B3GAT3: variants seen among roughly 807,000 people sequenced by gnomAD.
B3GAT3 encodes the protein beta-1,3-glucuronyltransferase 3.
A neutral mutation model predicts 33.1 loss-of-function variants in B3GAT3; 19 were observed. That is an observed-to-expected ratio of 0.57 (90% confidence interval 0.40 to 0.84). B3GAT3 has a LOEUF of 0.84. Among genes scored for constraint, B3GAT3 ranks in the 40% least tolerant of loss-of-function variants. The pLI is 0.00. For missense variants in B3GAT3, 344 were observed against 441.5 expected, an observed-to-expected ratio of 0.78 and a Z score of 1.98; for synonymous variants, 167 against 193.5, an observed-to-expected ratio of 0.86 and a Z score of 1.14.
At chr11:62,618,809 C>T (rs1422097325) in intron 2 of B3GAT3, among the ~76,000 whole-genome samples, 2 of 151,904 alleles carry the variant, frequency 1.3e-5, no homozygotes, top group African/African-American at 2.4e-5. Flanking sequence ...TGGTGAAACC[C>T]CATCTCTACT....
At position 62,616,762 on chromosome 11, in the gene B3GAT3, A is replaced by C. The variant is rs1943037657; in HGVS notation, c.653T>G (p.Val218Gly). The stretch of plus-strand genomic sequence containing the variant: ...GAATCGCAGGCCGCCCACCAGCCCC[A>C]CAGGCCACACTGAGACACCACGGGT... The part of the protein sequence containing the change: ...RWTRGVSVWP[V>G]GLVGGLRFEG... Residue 218 changes from valine to glycine, a missense_variant, in exon 4 of 5, where the codon GTG (valine) becomes GGG (glycine). By Grantham distance (109) the Val-to-Gly change is moderately radical. Coordinates refer to ENST00000265471, the MANE Select transcript of B3GAT3 (RefSeq NM_012200.4). The C allele has an allele frequency of 6.2e-7, 1 of 1,613,920 alleles. No homozygotes were observed. Among genetic ancestry groups the C allele is most frequent in the African/African-American group, 1.3e-5 (1 of 74,914 alleles).
At chr11:62,619,726 A>G (rs1237278530) in intron 2 of B3GAT3, among the ~76,000 whole-genome samples, 2 of 14,564 alleles carry the variant, frequency 1.4e-4, no homozygotes, top group African/African-American at 3.9e-4. Flanking sequence ...TTTTTTTTTC[A>G]GAGACAAGAG....
chr11:62,621,051 A>G (rs1943134469), intron 1 of B3GAT3: 1 of 480,244 alleles, frequency 2.1e-6, no homozygotes, highest in Non-Finnish European at 4.1e-6. Flanking sequence ...AGTCTTTCAA[A>G]TACCTGAGGA....
rs2134439341 is a variant in B3GAT3, at chr11:62,621,883, T to C, written c.65A>G (p.Tyr22Cys). 4 of 1,611,846 alleles carry C rather than the reference T, an allele frequency of 2.5e-6. No homozygotes were observed. Among genetic ancestry groups the C allele is most frequent in the Non-Finnish European group, 3.4e-6 (4 of 1,178,886 alleles). ...CCGCTCACCGAGCTGTACCAGCGCG[T>C]AGAGGAGGCCGGCGATCGACACCAG... ...YFLVSIAGLLYALVQLGQPCD... is the reference protein window; with the variant it reads ...YFLVSIAGLLCALVQLGQPCD... Residue 22 changes from tyrosine (Y) to cysteine (C), a missense_variant, in exon 1 of 5, where the codon TAC becomes TGC. Transcript: ENST00000265471.
In B3GAT3 at chr11:62,616,535, G is replaced by C. The variant is rs1034052309; in HGVS notation, c.880C>G (p.Leu294Val). The change falls in exon 4 of 5, where the codon CTG becomes GTG. Residue 294 changes from leucine to valine, a missense_variant. By Grantham distance (32) the Leu-to-Val change is conservative. Transcript: ENST00000265471. Reference protein sequence around the residue: ...LLSHLVDPKDLEPRAANCTRV... With the variant: ...LLSHLVDPKDVEPRAANCTRV... ...GTGCAGTTGGCAGCCCGTGGCTCCA[G>C]GTCCTTGGGATCCACAAGGTGGCTC... is the stretch of plus-strand genomic sequence containing the variant. 1.2e-6 allele frequency: 2 copies of C among 1,614,114 alleles called. No individual in the cohort carries two copies. Among genetic ancestry groups the C allele is most frequent in the African/African-American group, 1.3e-5 (1 of 74,946 alleles).
At chr11:62,621,246 A>ACAGT (rs1444616633) in intron 1 of B3GAT3, 3 of 456,554 alleles carry the variant, frequency 6.6e-6, no homozygotes, top group Non-Finnish European at 1.3e-5. Context: ...CAAAACAGAC[A>ACAGT]CAGTCCCTGC....
intron 1 of B3GAT3, 146 bp from the exon 2 acceptor site, chr11:62,620,817 C>G (rs1590780217): frequency 1.4e-6 from 1 of 734,220 alleles, no homozygotes; most frequent in Non-Finnish European, 2.2e-6. Flanking sequence ...TTTTCTATAC[C>G]TCTCGTGTGG....
Position 62,617,318 on chromosome 11 carries a change from A to G in B3GAT3, c.287T>C (p.Leu96Pro). 2.5e-6 allele frequency: 4 copies of G among 1,613,128 alleles called. No homozygotes were observed. The highest frequency in any genetic ancestry group is 3.4e-6 in the Non-Finnish European group (4 of 1,180,004). Residue 96 changes from leucine (L) to proline (P), a missense_variant, in exon 3 of 5, where the codon CTG (leucine) becomes CCG (proline). By Grantham distance (98) the Leu-to-Pro change is moderately conservative (BLOSUM62 -3). Transcript: ENST00000265471. ...RLVQKAELVR[L>P]SQTLSLVPRL... ...GGGCACCAGGCTCAGTGTCTGGGAC[A>G]GTCGTACCAGCTCTGCCTTCTGTAC...
rs1249271146 is a variant in B3GAT3 at position 62,616,596 on chromosome 11, G to A, written c.819C>T (p.Ser273=). 2.5e-6 allele frequency: 4 copies of A among 1,614,104 alleles called. No homozygotes were observed. Among genetic ancestry groups the A allele is most frequent in the Admixed American group, 1.7e-5 (1 of 60,008 alleles). The change falls in exon 4 of 5, where the codon TCC becomes TCT. Residue 273 remains serine, a synonymous_variant. Coordinates refer to ENST00000265471, the MANE Select transcript of B3GAT3 (RefSeq NM_012200.4). ...LLDKPNAQFD[S]TAPRGHLESS... ...TCTCCAGGTGGCCCCGGGGAGCGGT[G>A]GAATCAAATTGGGCATTGGGCTTAT... is the stretch of plus-strand genomic sequence containing the variant.
chr11:62,618,985 G>GAA (rs755888755), intron 2 of B3GAT3, among the ~76,000 whole-genome samples: 72 of 119,540 alleles, frequency 6.0e-4, no homozygotes, highest in African/African-American at 2.2e-3. Flanking sequence ...TCCATCTCGG[G>GAA]AAAAAAAAAA....
chr11:62,617,707 T>C (rs1269908451), intron 2 of B3GAT3, among the ~76,000 whole-genome samples: 2 of 151,854 alleles, frequency 1.3e-5, no homozygotes, highest in African/African-American at 2.4e-5. Context: ...AAACCCCATC[T>C]CTACTAAAAA....
Position 62,617,156 on chromosome 11 carries a change from G to T in B3GAT3, c.449C>A (p.Pro150His). 1.2e-6 allele frequency: 2 copies of T among 1,614,066 alleles called. No individual in the cohort carries two copies. The highest frequency in any genetic ancestry group is 1.7e-6 in the Non-Finnish European group (2 of 1,179,998). ...PKAQRLREGE[P>H]GWVHPRGVEQ... ...GACACCACGGGGATGAACCCAGCCA[G>T]GCTCGCCCTCCCGAAGCCGCTGGGC... Residue 150 changes from proline to histidine, a missense_variant, in exon 3 of 5, where the codon CCT (proline) becomes CAT (histidine). Pro to His is a moderately conservative substitution (Grantham distance 77). Transcript: ENST00000265471.
At chr11:62,616,838 G>A in intron 3 of B3GAT3, 42 bp from the exon 4 acceptor site, 1 of 1,613,150 alleles carries the variant, frequency 6.2e-7, no homozygotes. Context: ...GGTGGTCCGG[G>A]GAAGGGAGCA....
rs369154163 is a variant in B3GAT3 at position 62,615,738 on chromosome 11, C to T, written c.971G>A (p.Arg324Gln). 3.2e-5 allele frequency: 51 copies of T among 1,613,996 alleles called. No homozygotes were observed. Among genetic ancestry groups the T allele is most frequent in the Middle Eastern group, 1.6e-4 (1 of 6,062 alleles). Residue 324 changes from arginine (R) to glutamine (Q), a missense_variant, in exon 5 of 5, where the codon CGG (arginine) becomes CAG (glutamine). Coordinates refer to ENST00000265471, the MANE Select transcript of B3GAT3 (RefSeq NM_012200.4). ...TGCTGGGTCTGAGCCCCGGCCCTGC[C>T]GCTGCAGCTGCTCCTCCTGCTTCAT... ...PKMKQEEQLQ[R>Q]QGRGSDPAIE...
At chr11:62,615,887 T>C in intron 4 of B3GAT3, 88 bp from the exon 5 acceptor site, 1 of 1,559,464 alleles carries the variant, frequency 6.4e-7, no homozygotes, top group East Asian at 2.3e-5. Flanking sequence ...TCTAACCCTA[T>C]CGACATATAC....
chr11:62,615,472 C>T lies in B3GAT3; in HGVS notation c.*229G>A. 2.6e-6 allele frequency: 2 copies of T among 764,122 alleles called. No homozygotes were observed. Among genetic ancestry groups the T allele is most frequent in the Non-Finnish European group, 4.2e-6 (2 of 480,542 alleles). The allele number at this position is 764,122 out of a possible 1,614,324, so 47.3% of individuals were successfully genotyped here. ...TCCTTCTGTTCCACCCTAGACAGGG[C>T]CAACCTGACTCAACACAAGGGCTGC... is the stretch of plus-strand genomic sequence containing the variant. On this transcript the variant is annotated 3_prime_UTR_variant, in exon 5 of 5. Transcript: ENST00000265471.
In B3GAT3 at chr11:62,615,330, G is replaced by T; in HGVS notation, c.*371C>A. Reference sequence around the variant, plus strand: ...AGATTCTTTATTCTGGAGGTAGGAAGGGGGTCAGCATGCTCAGGTGGGAAG... The same window carrying T: ...AGATTCTTTATTCTGGAGGTAGGAATGGGGTCAGCATGCTCAGGTGGGAAG... On this transcript the variant is annotated 3_prime_UTR_variant, in exon 5 of 5. Transcript: ENST00000265471. 1 of 406,410 alleles carries T rather than the reference G, an allele frequency of 2.5e-6. No homozygotes were observed. The highest frequency in any genetic ancestry group is 5.4e-5 in the East Asian group (1 of 18,554). 25.2% of individuals were successfully genotyped at this position (406,410 alleles called of 1,614,324 possible).
At chr11:62,618,565 G>C (rs1379757403) in intron 2 of B3GAT3, among the ~76,000 whole-genome samples, 1 of 151,570 alleles carries the variant, frequency 6.6e-6, no homozygotes, top group African/African-American at 2.4e-5. Context: ...GGGAGGCTGA[G>C]GCAGGAGAAT....
At chr11:62,621,766 C>T (rs1943149282) in intron 1 of B3GAT3, 100 bp downstream of exon 1, 4 of 1,254,692 alleles carry the variant, frequency 3.2e-6, no homozygotes, top group African/African-American at 1.6e-5. Context: ...GAGGGCCGAG[C>T]GGATGAATGG....
Sources: gnomAD v4.1 joint callset for allele counts (sites outside exome capture counted in the v4.1 genomes callset) on GRCh38, gnomAD v4.1.1 for gene constraint, MANE v1.5 for transcripts, NCBI Gene and HGNC (gene_info 2026-07-23, HGNC 2026-07-21) for gene names.